PRLR: variants seen among roughly 807,000 people sequenced by gnomAD.
PRLR encodes prolactin receptor.
PRLR carries 13 observed loss-of-function variants against 40.2 expected under a neutral mutation model. The observed-to-expected ratio is 0.32, with a 90% CI of 0.21 to 0.51. The LOEUF (loss-of-function observed/expected upper bound fraction) is 0.51. Among genes scored for constraint, PRLR ranks in the 20% least tolerant of loss-of-function variants. PRLR has a pLI of 0.97. For synonymous variants in PRLR, 269 were observed against 278.7 expected (o/e 0.97, Z 0.35); for missense variants, 656 against 747.3 (o/e 0.88, Z 1.42).
chr5:35,049,156 GC>G, exon 9 of PRLR: 2 of 698,942 alleles, frequency 2.9e-6, no homozygotes, highest in Non-Finnish European at 5.2e-6. Flanking sequence ...CTGGTCACGT[GC>G]TGCAGGAGTA....
At chr5:35,209,302 C>G (rs900907026) in intron 1 of PRLR, among the ~76,000 whole-genome samples, 7 of 152,252 alleles carry the variant, frequency 4.6e-5, no homozygotes, top group South Asian at 2.1e-4. Flanking sequence ...TGCTGGACAG[C>G]TGGCATTTAT....
intron 2 of PRLR, among the ~76,000 whole-genome samples, chr5:35,095,606 A>G (rs1326257393): frequency 6.6e-6 from 1 of 152,222 alleles, no homozygotes; most frequent in Admixed American, 6.5e-5. Context: ...TGTGCCCACA[A>G]TGAATGTTTA....
Position 35,169,480 on chromosome 5 carries a change from A to G in PRLR, c.-105-51358T>C, listed in dbSNP as rs530134464. On this transcript the variant is annotated intron_variant, in intron 1 of 9. Transcript: ENST00000618457. ...AACAGCAGGCATTCTAATGATGTAA[A>G]TTAATATTGAAAACAGGACTTCATG... 1.5e-3 allele frequency among the ~76,000 whole-genome samples: 226 copies of G among 152,300 alleles called. 1 individual carries two copies. The highest frequency in any genetic ancestry group is 5.4e-3 in the African/African-American group (223 of 41,562).
rs923297061 is a variant in PRLR, at chr5:35,062,348, G to A, written c.*2741C>T. ...GGGGAATTAATCTCTCCAAGGCAAA[G>A]CAGTTAGGACCAGAATCTAGGTCTC... On this transcript the variant is annotated 3_prime_UTR_variant, in exon 10 of 10. Coordinates refer to ENST00000618457, the MANE Select transcript of PRLR (RefSeq NM_000949.7). The A allele has an allele frequency of 6.6e-6, 1 of 152,200 alleles. No homozygotes were observed. The highest frequency in any genetic ancestry group is 2.1e-4 in the South Asian group (1 of 4,826). 9.4% of individuals were successfully genotyped at this position (152,200 alleles called of 1,614,324 possible).
chr5:35,101,896 C>T (rs958078332), intron 2 of PRLR, among the ~76,000 whole-genome samples: 10 of 151,106 alleles, frequency 6.6e-5, no homozygotes, highest in South Asian at 6.3e-4. Context: ...GGCGCAATCT[C>T]GGCTTTCTGT....
chr5:35,053,391 G>A (rs545277311), downstream of PRLR, among the ~76,000 whole-genome samples: 11 of 152,186 alleles, frequency 7.2e-5, no homozygotes, highest in Non-Finnish European at 1.6e-4. Context: ...GGTGGCTCAC[G>A]CCTGTAATCT....
chr5:35,068,868 C>T lies in PRLR; in HGVS notation c.696G>A (p.Met232Ile). The T allele has an allele frequency of 6.2e-7, 1 of 1,610,846 alleles. No individual in the cohort carries two copies. Among genetic ancestry groups the T allele is most frequent in the South Asian group, 1.1e-5 (1 of 90,970 alleles). ...TFIQIPSDFT[M>I]NDTTVWISVA... ...CAGAGATCCACACGGTTGTATCATT[C>T]ATGGTGAAGTCTAAAAAACAAACAG... Residue 232 changes from methionine (M) to isoleucine (I), a missense_variant, in exon 8 of 10, where the codon ATG becomes ATA. Coordinates refer to ENST00000618457, the MANE Select transcript of PRLR (RefSeq NM_000949.7).
At position 35,083,068 on chromosome 5, in the gene PRLR, T is replaced by TACACACACAC. The variant is rs3836809; in HGVS notation, c.373+1392_373+1401dup. On this transcript the variant is annotated intron_variant, in intron 5 of 9. Coordinates refer to ENST00000618457, the MANE Select transcript of PRLR (RefSeq NM_000949.7). ...ATTATAATGCTTGAGGGTAAGGCAA[T>TACACACACAC]ACACACACACACACACACACACACA... 1.7e-3 allele frequency among the ~76,000 whole-genome samples: 251 copies of TACACACACAC among 144,834 alleles called. 1 individual carries two copies. The highest frequency in any genetic ancestry group is 4.8e-3 in the African/African-American group (191 of 39,784).
At chr5:35,122,326 G>A (rs527913457) in intron 1 of PRLR, among the ~76,000 whole-genome samples, 46 of 152,030 alleles carry the variant, frequency 3.0e-4, no homozygotes, top group East Asian at 1.7e-3. Flanking sequence ...GGTGGTTTGC[G>A]CACAGATCAA....
At chr5:35,147,888 T>C (rs2111848835) in intron 1 of PRLR, among the ~76,000 whole-genome samples, 1 of 152,272 alleles carries the variant, frequency 6.6e-6, no homozygotes, top group Non-Finnish European at 1.5e-5. Context: ...TGTCACAGGG[T>C]AGACGTGTCG....
chr5:35,077,149 A>G (rs1770160384), intron 5 of PRLR, among the ~76,000 whole-genome samples: 1 of 152,224 alleles, frequency 6.6e-6, no homozygotes, highest in African/African-American at 2.4e-5. Context: ...AATGAGCAAA[A>G]TAACCAGCTA....
chr5:35,134,365 A>G (rs1177378536), intron 1 of PRLR, among the ~76,000 whole-genome samples: 1 of 146,720 alleles, frequency 6.8e-6, no homozygotes, highest in East Asian at 2.1e-4. Context: ...TGTGAAGATC[A>G]TATTGCTTTC....
chr5:35,177,170 G>A lies in PRLR; in HGVS notation c.-106+53098C>T, dbSNP rs538410751. ...CTCCCCCTCTTCGAGAAACACCCAC[G>A]AATGATCAATAAATACTAAGGGAAC... On this transcript the variant is annotated intron_variant, in intron 1 of 9. Transcript: ENST00000618457. Among the ~76,000 whole-genome samples, 405 of 152,206 alleles carry A rather than the reference G, an allele frequency of 2.7e-3. 4 individuals carry two copies. Among genetic ancestry groups the A allele is most frequent in the African/African-American group, 8.8e-3 (367 of 41,514 alleles).
intron 4 of PRLR, 121 bp downstream of exon 4, chr5:35,086,087 G>T: frequency 8.2e-7 from 1 of 1,221,684 alleles, no homozygotes; most frequent in Non-Finnish European, 1.2e-6. Flanking sequence ...CCTTTCCCCG[G>T]TGGTATGAAC....
chr5:35,076,297 A>T (rs1259185276), intron 5 of PRLR, among the ~76,000 whole-genome samples: 1 of 152,200 alleles, frequency 6.6e-6, no homozygotes, highest in Non-Finnish European at 1.5e-5. Context: ...AAAAACCTCA[A>T]AAAAGATTAG....
intron 1 of PRLR, among the ~76,000 whole-genome samples, chr5:35,220,042 C>A (rs1776378053): frequency 6.6e-6 from 1 of 152,118 alleles, no homozygotes; most frequent in Admixed American, 6.5e-5. Flanking sequence ...ATCCACCCTC[C>A]CCTCTTGCTT....
At chr5:35,049,713 G>T (rs182442786) in intron 8 of PRLR, among the ~76,000 whole-genome samples, 383 of 152,098 alleles carry the variant, frequency 2.5e-3, no homozygotes, top group African/African-American at 8.9e-3. Flanking sequence ...AGTTCCTTTT[G>T]ATGGATAGCT....
chr5:35,195,019 T>C (rs886823174), intron 1 of PRLR: 3 of 152,244 alleles, frequency 2.0e-5, no homozygotes, highest in African/African-American at 7.2e-5. Context: ...ATGTGGGAAC[T>C]GTCTGTACTT....
chr5:35,068,637 G>T (rs1769531505), intron 8 of PRLR, 142 bp downstream of exon 8: 5 of 691,618 alleles, frequency 7.2e-6, no homozygotes, highest in Admixed American at 2.9e-5. Flanking sequence ...ACTGATAAAA[G>T]ATTTTTTTTA....
Sources: gnomAD v4.1 joint callset for allele counts (sites outside exome capture counted in the v4.1 genomes callset) on GRCh38, gnomAD v4.1.1 for gene constraint, MANE v1.5 for transcripts, NCBI Gene and HGNC (gene_info 2026-07-23, HGNC 2026-07-21) for gene names.